Variants in SUCLG1 observed in about 807,000 individuals in gnomAD.
SUCLG1 encodes succinate--CoA ligase [ADP/GDP-forming] subunit alpha, mitochondrial.
Under a neutral mutation model 37.3 loss-of-function variants are expected in SUCLG1, and 26 were observed. The observed-to-expected ratio is 0.70, with a 90% CI of 0.51 to 0.97. The LOEUF (loss-of-function observed/expected upper bound fraction) is 0.97, where lower values mean the gene tolerates loss of function less well. SUCLG1 is among the 50% of genes least tolerant of loss of function. The pLI, the probability that SUCLG1 is intolerant of heterozygous loss-of-function variation, is 0.00. For missense variants in SUCLG1, 433 were observed against 432.9 expected, an observed-to-expected ratio of 1.00 and a Z score of 0.00; for synonymous variants, 163 against 155.6, an observed-to-expected ratio of 1.05 and a Z score of -0.36.
chr2:84,436,898 A>G (rs1228469990), intron 5 of SUCLG1, among the ~76,000 whole-genome samples: 1 of 152,218 alleles, frequency 6.6e-6, no homozygotes, highest in East Asian at 1.9e-4. Flanking sequence ...GAAGGTAAAC[A>G]TATATGTTTA....
chr2:84,454,973 G>A (rs543381728), intron 1 of SUCLG1, among the ~76,000 whole-genome samples: 27 of 152,158 alleles, frequency 1.8e-4, no homozygotes, highest in African/African-American at 5.3e-4. Flanking sequence ...ATTCGTGCAC[G>A]TACTCATGAA....
intron 7 of SUCLG1, among the ~76,000 whole-genome samples, chr2:84,427,532 T>A (rs146232831): frequency 6.6e-6 from 1 of 152,352 alleles, no homozygotes; most frequent in African/African-American, 2.4e-5. Context: ...GTTATCAGTA[T>A]CACCATCAAG....
chr2:84,424,102 A>T (rs879529116), intron 8 of SUCLG1, among the ~76,000 whole-genome samples: 4 of 152,230 alleles, frequency 2.6e-5, no homozygotes, highest in African/African-American at 4.8e-5. Context: ...GAGAAACTTC[A>T]TTATGCTTCT....
At chr2:84,446,241 A>G (rs1035250081) in intron 2 of SUCLG1, among the ~76,000 whole-genome samples, 2 of 152,218 alleles carry the variant, frequency 1.3e-5, no homozygotes, top group South Asian at 4.1e-4. Flanking sequence ...ATAACATACC[A>G]CATAATATAC....
intron 1 of SUCLG1, 30 bp downstream of exon 1, chr2:84,459,143 C>A: frequency 2.6e-6 from 4 of 1,528,952 alleles, no homozygotes; most frequent in Non-Finnish European, 3.5e-6. Flanking sequence ...AACCCGCGGG[C>A]GCCAGGAAGA....
At position 84,433,356 on chromosome 2, in the gene SUCLG1, G is replaced by A. The variant is rs372601816; in HGVS notation, c.669C>T (p.Cys223=). ...ATTTTAGCAAAAGTCCCTCACCAACGCACAAAGACTGCCCCAATCCAACTT... is the reference window on the plus strand; with the variant it reads ...ATTTTAGCAAAAGTCCCTCACCAACACACAAAGACTGCCCCAATCCAACTT... ...TTQVGLGQSL[C]VGIGGDPFNG... Residue 223 remains cysteine, a synonymous_variant, in exon 6 of 9, where the codon TGC becomes TGT. Transcript: ENST00000393868. 7 of 1,613,720 alleles carry A rather than the reference G, an allele frequency of 4.3e-6. No individual in the cohort carries two copies. In the East Asian group the frequency reaches 6.7e-5, roughly 15 times the overall value.
intron 5 of SUCLG1, 69 bp from the exon 6 acceptor site, chr2:84,433,504 T>C: frequency 7.5e-7 from 1 of 1,329,038 alleles, no homozygotes; most frequent in East Asian, 2.3e-5. Context: ...GTAAACTAAA[T>C]TACCAAACAC....
chr2:84,449,819 A>T, intron 1 of SUCLG1, 67 bp from the exon 2 acceptor site: 1 of 1,303,968 alleles, frequency 7.7e-7, no homozygotes, highest in Non-Finnish European at 1.1e-6. Context: ...ACTTTTGAAC[A>T]ATAATTCAAC....
At chr2:84,436,742 A>T (rs1672692100) in intron 5 of SUCLG1, among the ~76,000 whole-genome samples, 1 of 152,224 alleles carries the variant, frequency 6.6e-6, no homozygotes, top group African/African-American at 2.4e-5. Flanking sequence ...ATGTTCTCCT[A>T]CCACCTGGTT....
At chr2:84,445,013 T>C (rs909883534) in intron 2 of SUCLG1, among the ~76,000 whole-genome samples, 18 of 152,158 alleles carry the variant, frequency 1.2e-4, no homozygotes, top group African/African-American at 4.3e-4. Flanking sequence ...ATTTGTGCAG[T>C]TAATGCAATC....
chr2:84,458,450 T>C (rs1673065323), intron 1 of SUCLG1: 1 of 152,238 alleles, frequency 6.6e-6, no homozygotes, highest in African/African-American at 2.4e-5. Context: ...TACTATAACC[T>C]ACCTGACAAG....
chr2:84,438,489 T>G (rs1672721851), intron 5 of SUCLG1, among the ~76,000 whole-genome samples: 1 of 152,260 alleles, frequency 6.6e-6, no homozygotes, highest in Non-Finnish European at 1.5e-5. Flanking sequence ...ATTACACTAT[T>G]ATACTGCTAT....
chr2:84,453,059 C>T lies in SUCLG1; in HGVS notation c.98-3307G>A, dbSNP rs118049488. Among the ~76,000 whole-genome samples, 543 of 152,230 alleles carry T rather than the reference C, an allele frequency of 3.6e-3. 1 individual carries two copies. The highest frequency in any genetic ancestry group is 5.5e-3 in the Non-Finnish European group (374 of 67,998). On this transcript the variant is annotated intron_variant, in intron 1 of 8. Transcript: ENST00000393868. Reference sequence around the variant, plus strand: ...AAGTTCGGCCCTAAAATGCTTCTGGCGGTCCCCAAAGCTACATTAATCTAG... The same window carrying T: ...AAGTTCGGCCCTAAAATGCTTCTGGTGGTCCCCAAAGCTACATTAATCTAG...
At chr2:84,428,496 A>C (rs896025303) in intron 7 of SUCLG1, among the ~76,000 whole-genome samples, 1 of 152,222 alleles carries the variant, frequency 6.6e-6, no homozygotes, top group African/African-American at 2.4e-5. Context: ...TCTACATAGA[A>C]TATGAGAATC....
At chr2:84,452,734 A>G (rs2104267416) in intron 1 of SUCLG1, among the ~76,000 whole-genome samples, 1 of 152,300 alleles carries the variant, frequency 6.6e-6, no homozygotes, top group South Asian at 2.1e-4. Flanking sequence ...TGCTAACTGT[A>G]AACTCCATGA....
intron 1 of SUCLG1, among the ~76,000 whole-genome samples, chr2:84,455,550 T>A (rs1040132661): frequency 6.6e-6 from 1 of 151,446 alleles, no homozygotes; most frequent in Non-Finnish European, 1.5e-5. Flanking sequence ...AATGTTATAA[T>A]GTAAAAAAAT....
Position 84,425,584 on chromosome 2 carries a change from A to G in SUCLG1, c.845T>C (p.Val282Ala). Residue 282 changes from valine to alanine, a missense_variant, in exon 8 of 9, where the codon GTA becomes GCA. Coordinates refer to ENST00000393868, the MANE Select transcript of SUCLG1 (RefSeq NM_003849.4). ...AGTTAAACCAGCAATGAAGGACACT[A>G]CAGGCTTGGAATTTGGACCCTAGAA... ...QHNSGPNSKP[V>A]VSFIAGLTAP... 6.2e-7 allele frequency: 1 copy of G among 1,614,248 alleles called. No individual in the cohort carries two copies. Among genetic ancestry groups the G allele is most frequent in the Non-Finnish European group, 8.5e-7 (1 of 1,180,042 alleles).
chr2:84,449,147 T>C (rs1206220683), intron 2 of SUCLG1, among the ~76,000 whole-genome samples: 1 of 152,168 alleles, frequency 6.6e-6, no homozygotes. Flanking sequence ...CAGGCCATCA[T>C]CCCAGAGAAA....
In SUCLG1 at chr2:84,425,424, C is replaced by T. The variant is rs371224605; in HGVS notation, c.1005G>A (p.Thr335=). ...CACTGTTGGAGCTCACCTTGTAGAT[C>T]GTGGTTCCCAGCTGTGCAGGAGACA... ...VSMSPAQLGT[T]IYKEFEKRKM... Residue 335 remains threonine (T), a synonymous_variant, in exon 8 of 9, where the codon ACG becomes ACA. Coordinates refer to ENST00000393868, the MANE Select transcript of SUCLG1 (RefSeq NM_003849.4). 22 of 1,614,000 alleles carry T rather than the reference C, an allele frequency of 1.4e-5. No individual in the cohort carries two copies. The highest frequency in any genetic ancestry group is 1.6e-4 in the Middle Eastern group (1 of 6,072).
Sources: allele counts gnomAD v4.1 joint callset (sites outside exome capture counted in the v4.1 genomes callset), GRCh38; gene constraint gnomAD v4.1.1; transcripts MANE v1.5; gene names NCBI Gene and HGNC (gene_info 2026-07-23, HGNC 2026-07-21).